The following TRIM55 variants were observed in gnomAD, a reference collection of about 807,000 sequenced individuals.
TRIM55 encodes the protein tripartite motif-containing protein 55.
Under a neutral mutation model 60.9 loss-of-function variants are expected in TRIM55, and 50 were observed. The observed-to-expected ratio is 0.82, with a 90% confidence interval of 0.65 to 1.04. The LOEUF (loss-of-function observed/expected upper bound fraction) is 1.04. Among genes scored for constraint, TRIM55 ranks in the 50% least tolerant of loss-of-function variants. The probability of loss-of-function intolerance (pLI) is 0.00; values close to 1 mark genes in which losing one functional copy is unlikely to be tolerated. For synonymous variants in TRIM55, 237 were observed against 238.1 expected (o/e 1.00, Z 0.04); for missense variants, 681 against 666.9 (o/e 1.02, Z -0.23).
chr8:66,133,946 C>T (rs1417571322), intron 2 of TRIM55, among the ~76,000 whole-genome samples: 1 of 152,198 alleles, frequency 6.6e-6, no homozygotes, highest in Non-Finnish European at 1.5e-5. Flanking sequence ...CACACACACA[C>T]ACACAAACAC....
At chr8:66,167,533 A>G (rs28421720) in intron 9 of TRIM55, among the ~76,000 whole-genome samples, 27,227 of 152,034 alleles carry the variant, frequency 0.18, 4,223 homozygotes, top group African/African-American at 0.43. Context: ...CACACTTAAC[A>G]CAAACCAAAC....
At chr8:66,114,034 C>G in the TRIM55 span, among the ~76,000 whole-genome samples, 1 of 148,792 alleles carries the variant, frequency 6.7e-6, no homozygotes, top group Non-Finnish European at 1.5e-5. Flanking sequence ...GGCGCGCGCC[C>G]GTGGCCATCC....
chr8:66,132,683 T>C (rs1809232334), intron 2 of TRIM55, among the ~76,000 whole-genome samples: 1 of 152,182 alleles, frequency 6.6e-6, no homozygotes. Context: ...CATAAACATG[T>C]ATTTATGTCA....
intron 9 of TRIM55, among the ~76,000 whole-genome samples, chr8:66,160,866 G>GTT (rs769044785): frequency 0.029 from 3,844 of 132,006 alleles, 150 homozygotes; most frequent in African/African-American, 0.094. Context: ...TGATGGGATT[G>GTT]TTTTTTTTTT....
At chr8:66,146,336 G>A (rs1586204701) in intron 4 of TRIM55, among the ~76,000 whole-genome samples, 1 of 152,016 alleles carries the variant, frequency 6.6e-6, no homozygotes, top group South Asian at 2.1e-4. Context: ...AAGTAATATA[G>A]GAATGAAATT....
At position 66,153,985 on chromosome 8, in the gene TRIM55, C is replaced by T. The variant is rs533223679; in HGVS notation, c.1237-62C>T. ...ACCCAAAGGGAACTAAAATCAACTGCTTTTTCTTCTTCTTCTTCTTTTTTT... is the reference window on the plus strand; with the variant it reads ...ACCCAAAGGGAACTAAAATCAACTGTTTTTTCTTCTTCTTCTTCTTTTTTT... On this transcript the variant is annotated intron_variant, in intron 8 of 9. Coordinates refer to ENST00000315962, the MANE Select transcript of TRIM55 (RefSeq NM_184085.2). The T allele has an allele frequency of 2.4e-5, 36 of 1,508,592 alleles. No homozygotes were observed. In the East Asian group the frequency reaches 7.6e-4, roughly 32 times the overall value. 93.5% of individuals were successfully genotyped at this position (1,508,592 alleles called of 1,614,324 possible).
intron 9 of TRIM55, among the ~76,000 whole-genome samples, chr8:66,174,113 C>A (rs1468071879): frequency 6.6e-6 from 1 of 151,614 alleles, no homozygotes; most frequent in African/African-American, 2.4e-5. Context: ...TTTCTAAACC[C>A]AGTTCCTAGA....
upstream of TRIM55, among the ~76,000 whole-genome samples, chr8:66,126,319 T>A (rs1808817073): frequency 6.6e-6 from 1 of 152,236 alleles, no homozygotes. Flanking sequence ...ATTATATAAT[T>A]TAAGAATTTA....
chr8:66,151,850 T>TAATA (rs199757226), intron 7 of TRIM55, among the ~76,000 whole-genome samples: 6,346 of 142,656 alleles, frequency 0.044, 164 homozygotes, highest in African/African-American at 0.056. Flanking sequence ...TCTCAAAAAA[T>TAATA]AATAAATAAA....
intron 7 of TRIM55, among the ~76,000 whole-genome samples, chr8:66,151,900 G>A (rs1810452036): frequency 6.7e-6 from 1 of 149,720 alleles, no homozygotes; most frequent in African/African-American, 2.5e-5. Flanking sequence ...AAATAAAAGA[G>A]TCGTGACATT....
In TRIM55 at chr8:66,171,971, G is replaced by GGGTCA. The variant is rs34694244; in HGVS notation, c.1525-2499_1525-2498insGTCAG. Among the ~76,000 whole-genome samples, 3 of 76,860 alleles carry GGGTCA rather than the reference G, an allele frequency of 3.9e-5. No individual in the cohort carries two copies. The African/African-American group carries it at 8.3e-4, about 21-fold the overall frequency. The allele number at this position is 76,860 out of a possible 152,430, so 50.4% of individuals were successfully genotyped here. A position where few individuals can be genotyped will look rare whatever the true frequency, so the allele number is the denominator to read the frequency against. On this transcript the variant is annotated intron_variant, in intron 9 of 9. Coordinates refer to ENST00000315962, the MANE Select transcript of TRIM55 (RefSeq NM_184085.2). ...AAATACTATTGTCTTTTCTTATTGGGGTGCTATTGTATATGGTTTGTCATA... is the reference window on the plus strand; with the variant it reads ...AAATACTATTGTCTTTTCTTATTGGGGGTCAGTGCTATTGTATATGGTTTGTCATA...
intron 9 of TRIM55, among the ~76,000 whole-genome samples, chr8:66,164,061 T>A (rs1191678915): frequency 6.6e-6 from 1 of 152,158 alleles, no homozygotes; most frequent in Admixed American, 6.5e-5. Context: ...TGTGTCTGCA[T>A]GCTGAAATGG....
intron 9 of TRIM55, among the ~76,000 whole-genome samples, chr8:66,156,880 G>A (rs1810773797): frequency 6.6e-6 from 1 of 152,202 alleles, no homozygotes; most frequent in African/African-American, 2.4e-5. Flanking sequence ...AGTGTCCTGA[G>A]TGTCCTTACA....
chr8:66,114,176 C>T, the TRIM55 span, among the ~76,000 whole-genome samples: 125 of 148,408 alleles, frequency 8.4e-4, no homozygotes, highest in Middle Eastern at 3.6e-3. Flanking sequence ...GATAATAAGC[C>T]GTGCCCAGCC....
chr8:66,120,616 C>T, the TRIM55 span, among the ~76,000 whole-genome samples: 2 of 152,190 alleles, frequency 1.3e-5, no homozygotes, highest in Admixed American at 6.5e-5. Flanking sequence ...GCTCGGGTGA[C>T]CTTCCCTGGT....
the TRIM55 span, among the ~76,000 whole-genome samples, chr8:66,114,097 A>G: frequency 1.4e-5 from 1 of 68,976 alleles, no homozygotes; most frequent in Admixed American, 2.0e-4. Flanking sequence ...CCCCCCCATT[A>G]TTTTGTTGCT....
At chr8:66,162,850 T>A (rs1382564791) in intron 9 of TRIM55, among the ~76,000 whole-genome samples, 1 of 152,158 alleles carries the variant, frequency 6.6e-6, no homozygotes, top group Non-Finnish European at 1.5e-5. Context: ...AATGTTTTCT[T>A]CTAGAATTTT....
At chr8:66,114,181 C>G in the TRIM55 span, among the ~76,000 whole-genome samples, 6 of 149,762 alleles carry the variant, frequency 4.0e-5, no homozygotes, top group Admixed American at 1.4e-4. Context: ...TAAGCCGTGC[C>G]CAGCCGTGGG....
intron 9 of TRIM55, among the ~76,000 whole-genome samples, chr8:66,162,770 T>G (rs1811123331): frequency 6.6e-6 from 1 of 152,138 alleles, no homozygotes; most frequent in South Asian, 2.1e-4. Flanking sequence ...TTTTGTTTTC[T>G]TTATAGTTTG....
Sources: gnomAD v4.1 joint callset for allele counts (sites outside exome capture counted in the v4.1 genomes callset) on GRCh38, gnomAD v4.1.1 for gene constraint, MANE v1.5 for transcripts, NCBI Gene and HGNC (gene_info 2026-07-23, HGNC 2026-07-21) for gene names.